Variants in DCSTAMP observed in about 807,000 individuals in gnomAD.
DCSTAMP encodes dendrocyte expressed seven transmembrane protein.
Under a neutral mutation model 33.8 loss-of-function variants are expected in DCSTAMP, and 25 were observed. The observed-to-expected ratio is 0.74, with a 90% CI of 0.54 to 1.03. DCSTAMP has a LOEUF of 1.03. Ranked by LOEUF, DCSTAMP falls within the 50% of genes least tolerant of loss-of-function variation. The pLI, the probability that DCSTAMP is intolerant of heterozygous loss-of-function variation, is 0.00. For synonymous variants in DCSTAMP, 245 were observed against 216.7 expected (o/e 1.13, Z -1.15); for missense variants, 531 against 556.8 (o/e 0.95, Z 0.47).
At position 104,348,717 on chromosome 8, in the gene DCSTAMP, G is replaced by A. The variant is rs1469813515; in HGVS notation, c.165G>A (p.Leu55=). The A allele has an allele frequency of 6.2e-7, 1 of 1,614,010 alleles. No homozygotes were observed. The highest frequency in any genetic ancestry group is 8.5e-7 in the Non-Finnish European group (1 of 1,180,046). The change falls in exon 2 of 4, where the codon CTG becomes CTA. Residue 55 remains leucine, a synonymous_variant. Coordinates refer to ENST00000297581, the MANE Select transcript of DCSTAMP (RefSeq NM_030788.4). ...GLLSVAACWF[L]PSIIAAAASW... is the part of the protein sequence containing the mutation. ...TGTCTGTGGCCGCCTGCTGGTTTCT[G>A]CCATCAATCATAGCGGCCGCTGCCT...
chr8:104,344,620 A>G (rs908839503), intron 1 of DCSTAMP, among the ~76,000 whole-genome samples: 12 of 152,146 alleles, frequency 7.9e-5, no homozygotes, highest in African/African-American at 2.9e-4. Flanking sequence ...CAAGATCTGC[A>G]TTTTCACAAG....
At chr8:104,355,385 G>A (rs1810595738) in intron 3 of DCSTAMP, among the ~76,000 whole-genome samples, 200 bp downstream of exon 3, 1 of 152,136 alleles carries the variant, frequency 6.6e-6, no homozygotes, top group Non-Finnish European at 1.5e-5. Flanking sequence ...CTGATCCAAA[G>A]GATACTACAA....
intron 1 of DCSTAMP, among the ~76,000 whole-genome samples, chr8:104,343,308 G>A (rs1049548583): frequency 3.9e-5 from 6 of 152,182 alleles, no homozygotes; most frequent in Non-Finnish European, 8.8e-5. Context: ...GGGTTAGAAA[G>A]CGTGTATATC....
At chr8:104,347,062 G>T (rs759859260) in intron 1 of DCSTAMP, among the ~76,000 whole-genome samples, 1 of 152,164 alleles carries the variant, frequency 6.6e-6, no homozygotes, top group Non-Finnish European at 1.5e-5. Context: ...ATATTTTCAT[G>T]TCAATCAGGA....
intron 1 of DCSTAMP, among the ~76,000 whole-genome samples, chr8:104,344,505 T>C (rs2140468381): frequency 1.3e-5 from 2 of 152,294 alleles, no homozygotes; most frequent in East Asian, 3.9e-4. Context: ...CGCTGAATTC[T>C]AGAGCTTGCT....
At position 104,349,551 on chromosome 8, in the gene DCSTAMP, G is replaced by A; in HGVS notation, c.999G>A (p.Gly333=). 1.2e-6 allele frequency: 2 copies of A among 1,613,370 alleles called. No homozygotes were observed. Among genetic ancestry groups the A allele is most frequent in the South Asian group, 2.2e-5 (2 of 90,870 alleles). The change falls in exon 2 of 4, where the codon GGG becomes GGA. Residue 333 remains glycine, a synonymous_variant. Transcript: ENST00000297581. ...GCAAGCAGTTTCAAAGCTTGCCAGGGTTTGAGGTTCACTTGAAACTGCACG... is the reference window on the plus strand; with the variant it reads ...GCAAGCAGTTTCAAAGCTTGCCAGGATTTGAGGTTCACTTGAAACTGCACG... ...SVSKQFQSLP[G]FEVHLKLHGE... is the part of the protein sequence containing the mutation.
intron 2 of DCSTAMP, among the ~76,000 whole-genome samples, chr8:104,351,371 G>A (rs149282028): frequency 1.8e-3 from 271 of 152,322 alleles, no homozygotes; most frequent in African/African-American, 6.2e-3. Context: ...GCCCAGGCTG[G>A]CAAAAATAAT....
chr8:104,348,861 A>G lies in DCSTAMP; in HGVS notation c.309A>G (p.Thr103=), dbSNP rs1230394822. The G allele has an allele frequency of 2.5e-6, 4 of 1,614,112 alleles. No individual in the cohort carries two copies. Among genetic ancestry groups the G allele is most frequent in the Non-Finnish European group, 3.4e-6 (4 of 1,180,052 alleles). Residue 103 remains threonine, a synonymous_variant, in exon 2 of 4, where the codon ACA becomes ACG. Transcript: ENST00000297581. The stretch of plus-strand genomic sequence containing the variant: ...GGAATGCTTTGATTGCAGCTGGCAC[A>G]GGGATCGTCATCTTGGGACACGTAG... The part of the protein sequence containing the change: ...EGRNALIAAG[T]GIVILGHVEN...
intron 1 of DCSTAMP, among the ~76,000 whole-genome samples, chr8:104,341,623 G>A (rs935392958): frequency 6.6e-6 from 1 of 152,264 alleles, no homozygotes; most frequent in African/African-American, 2.4e-5. Flanking sequence ...GGCCCTGCAT[G>A]AAAGCAGGTA....
chr8:104,343,608 C>T (rs767569579), intron 1 of DCSTAMP, among the ~76,000 whole-genome samples: 10 of 152,168 alleles, frequency 6.6e-5, no homozygotes, highest in Non-Finnish European at 1.2e-4. Context: ...GGACTAGTGT[C>T]CCTATAAGAA....
At chr8:104,345,598 T>C (rs1564064020) in intron 1 of DCSTAMP, among the ~76,000 whole-genome samples, 1 of 152,250 alleles carries the variant, frequency 6.6e-6, no homozygotes, top group Non-Finnish European at 1.5e-5. Flanking sequence ...TAGATTTTAT[T>C]GCAGAACGTT....
rs746031492 is a variant in DCSTAMP, at chr8:104,355,091, A to G, written c.1244A>G (p.Lys415Arg). The part of the protein sequence containing the change: ...SASFYPSVER[K>R]RIQYLHAKLL... ...TCTTTCTACCCCAGCGTGGAGAGGA[A>G]GCGCATCCAATATCTGCATGCAAAG... The change falls in exon 3 of 4, where the codon AAG becomes AGG. Residue 415 changes from lysine (K) to arginine (R), a missense_variant. Coordinates refer to ENST00000297581, the MANE Select transcript of DCSTAMP (RefSeq NM_030788.4). The G allele has an allele frequency of 3.7e-5, 60 of 1,614,010 alleles. No individual in the cohort carries two copies. The highest frequency in any genetic ancestry group is 4.6e-5 in the Non-Finnish European group (54 of 1,180,008).
At chr8:104,354,845 T>C in intron 2 of DCSTAMP, 32 bp from the exon 3 acceptor site, 3 of 1,409,012 alleles carry the variant, frequency 2.1e-6, no homozygotes, top group East Asian at 2.3e-5. Flanking sequence ...AAAAATGGCA[T>C]GCATCATGAT....
intron 1 of DCSTAMP, among the ~76,000 whole-genome samples, chr8:104,342,053 A>G (rs1381863728): frequency 6.6e-6 from 1 of 152,210 alleles, no homozygotes; most frequent in Non-Finnish European, 1.5e-5. Context: ...AACGATGGAG[A>G]GGCAGAGGGA....
Position 104,350,001 on chromosome 8 carries a change from G to A in DCSTAMP, c.1029+420G>A, listed in dbSNP as rs146822657. ...TCACTCCCGTCTCTGCTCTGTCATC[G>A]CATCACTTTCTTCTTTGCATGTGGA... On this transcript the variant is annotated intron_variant, in intron 2 of 3. Coordinates refer to ENST00000297581, the MANE Select transcript of DCSTAMP (RefSeq NM_030788.4). Among the ~76,000 whole-genome samples the A allele has an allele frequency of 3.9e-5, 6 of 152,210 alleles. No individual in the cohort carries two copies. In the East Asian group the frequency reaches 1.2e-3, roughly 29 times the overall value.
At chr8:104,345,881 G>A (rs1437212962) in intron 1 of DCSTAMP, among the ~76,000 whole-genome samples, 1 of 152,244 alleles carries the variant, frequency 6.6e-6, no homozygotes, top group Non-Finnish European at 1.5e-5. Context: ...CAAAAAGTGA[G>A]CAGATAATGG....
intron 1 of DCSTAMP, among the ~76,000 whole-genome samples, chr8:104,346,809 C>T (rs1364110791): frequency 6.6e-6 from 1 of 152,208 alleles, no homozygotes; most frequent in Non-Finnish European, 1.5e-5. Flanking sequence ...CCTTCGTTAA[C>T]CTCATTCGGC....
chr8:104,356,385 TA>T lies in DCSTAMP; in HGVS notation c.*190del. 1 of 480,716 alleles carries T rather than the reference TA, an allele frequency of 2.1e-6. No homozygotes were observed. Among genetic ancestry groups the T allele is most frequent in the East Asian group, 3.7e-5 (1 of 27,086 alleles). The allele number at this position is 480,716 out of a possible 1,614,324, so 29.8% of individuals were successfully genotyped here. Reference sequence around the variant, plus strand: ...ATCTCAAAGCCAAAGAGCTGCCAGGTAAATGGTTATGTGGTCTATGTTCCAA... The same window carrying T: ...ATCTCAAAGCCAAAGAGCTGCCAGGTAATGGTTATGTGGTCTATGTTCCAA... On this transcript the variant is annotated 3_prime_UTR_variant, in exon 4 of 4. Coordinates refer to ENST00000297581, the MANE Select transcript of DCSTAMP (RefSeq NM_030788.4).
intron 3 of DCSTAMP, among the ~76,000 whole-genome samples, chr8:104,355,922 A>G (rs1403293176): frequency 1.3e-5 from 2 of 152,228 alleles, no homozygotes; most frequent in African/African-American, 4.8e-5. Context: ...CATTGTTTCT[A>G]TCAGCCATCT....
Sources: gnomAD v4.1 joint callset for allele counts (sites outside exome capture counted in the v4.1 genomes callset) on GRCh38, gnomAD v4.1.1 for gene constraint, MANE v1.5 for transcripts, NCBI Gene and HGNC (gene_info 2026-07-23, HGNC 2026-07-21) for gene names.